DGKI: variants seen among roughly 807,000 people sequenced by gnomAD.
DGKI encodes the protein DAG kinase iota.
In DGKI, 55 loss-of-function variants were observed where a neutral mutation model predicts 147.5. The ratio of observed to expected loss-of-function variants is 0.37; its 90% CI spans 0.30 to 0.47. The LOEUF is 0.47. Ranked by LOEUF, DGKI falls within the 20% of genes least tolerant of loss-of-function variation. The pLI is 1.00. For missense variants in DGKI, 1,007 were observed against 1,323.8 expected, an observed-to-expected ratio of 0.76 and a Z score of 3.71; for synonymous variants, 469 against 477.1, an observed-to-expected ratio of 0.98 and a Z score of 0.22.
At chr7:137,719,243 T>A (rs1479292288) in intron 1 of DGKI, among the ~76,000 whole-genome samples, 1 of 152,150 alleles carries the variant, frequency 6.6e-6, no homozygotes, top group Non-Finnish European at 1.5e-5. Context: ...GAGGGGCATG[T>A]TCTGCTTCAA....
intron 21 of DGKI, among the ~76,000 whole-genome samples, chr7:137,493,611 C>G (rs1254205870): frequency 1.3e-5 from 2 of 152,122 alleles, no homozygotes; most frequent in Non-Finnish European, 2.9e-5. Context: ...CCAAACCCAC[C>G]TTATACCATA....
chr7:137,742,419 G>A (rs762877813), intron 1 of DGKI, among the ~76,000 whole-genome samples: 25 of 152,188 alleles, frequency 1.6e-4, no homozygotes, highest in African/African-American at 5.8e-4. Context: ...GCTCTGGGCA[G>A]AAACAGAGCC....
At chr7:137,630,568 G>T (rs576462093) in intron 6 of DGKI, among the ~76,000 whole-genome samples, 1 of 152,306 alleles carries the variant, frequency 6.6e-6, no homozygotes, top group South Asian at 2.1e-4. Context: ...CTTCATTTCA[G>T]AAGCAGATGC....
At chr7:137,837,582 C>T (rs766665384) in intron 1 of DGKI, among the ~76,000 whole-genome samples, 19 of 152,256 alleles carry the variant, frequency 1.2e-4, no homozygotes, top group African/African-American at 3.1e-4. Flanking sequence ...AAGGGTGGGG[C>T]GCTAATGAAT....
At chr7:137,545,994 AG>A in intron 20 of DGKI, 1 of 700,470 alleles carries the variant, frequency 1.4e-6, no homozygotes, top group East Asian at 2.7e-5. Flanking sequence ...CAGCGAAGAC[AG>A]AGTCAGCGAC....
chr7:137,404,592 G>T (rs1203577616), intron 30 of DGKI, among the ~76,000 whole-genome samples: 1 of 152,130 alleles, frequency 6.6e-6, no homozygotes, highest in African/African-American at 2.4e-5. Flanking sequence ...TGTGCTATTA[G>T]AGATCCTGGT....
chr7:137,691,574 A>G (rs1463754117), intron 1 of DGKI, among the ~76,000 whole-genome samples: 7 of 152,344 alleles, frequency 4.6e-5, no homozygotes, highest in Admixed American at 3.3e-4. Context: ...TAGGAACAGA[A>G]TTTAAAAGCT....
At chr7:137,679,118 A>G (rs1380712213) in intron 2 of DGKI, among the ~76,000 whole-genome samples, 1 of 152,254 alleles carries the variant, frequency 6.6e-6, no homozygotes, top group Non-Finnish European at 1.5e-5. Flanking sequence ...TTGAAAACAC[A>G]GTTATACCAG....
intron 1 of DGKI, among the ~76,000 whole-genome samples, chr7:137,786,677 G>GAA (rs57873912): frequency 7.1e-6 from 1 of 140,814 alleles, no homozygotes; most frequent in African/African-American, 2.7e-5. Context: ...ACTAAGCAAA[G>GAA]AAAAAAAAAA....
intron 12 of DGKI, among the ~76,000 whole-genome samples, chr7:137,590,686 T>C (rs935858849): frequency 1.3e-5 from 2 of 152,076 alleles, no homozygotes; most frequent in Non-Finnish European, 2.9e-5. Flanking sequence ...TATGAATCGA[T>C]GCTGTGTTGT....
At chr7:137,584,953 T>C (rs923015780) in intron 14 of DGKI, among the ~76,000 whole-genome samples, 4 of 152,204 alleles carry the variant, frequency 2.6e-5, no homozygotes, top group Admixed American at 1.3e-4. Context: ...CATGCCTTTC[T>C]AGTGCAGAAG....
At chr7:137,720,459 C>A (rs563263558) in intron 1 of DGKI, among the ~76,000 whole-genome samples, 1 of 151,812 alleles carries the variant, frequency 6.6e-6, no homozygotes, top group Non-Finnish European at 1.5e-5. Flanking sequence ...CGGGTTTCAC[C>A]GTGTTAGCCA....
At chr7:137,444,883 C>T (rs370951778) in intron 27 of DGKI, among the ~76,000 whole-genome samples, 13 of 152,164 alleles carry the variant, frequency 8.5e-5, no homozygotes, top group African/African-American at 3.1e-4. Flanking sequence ...CTTTGACTCA[C>T]ACTTATTCTT....
chr7:137,798,621 T>C (rs1161644226), intron 1 of DGKI, among the ~76,000 whole-genome samples: 2 of 152,238 alleles, frequency 1.3e-5, no homozygotes, highest in East Asian at 1.9e-4. Flanking sequence ...TATTTTATCA[T>C]GTTGCTCAGG....
intron 17 of DGKI, among the ~76,000 whole-genome samples, chr7:137,575,224 T>C (rs943560616): frequency 6.6e-6 from 1 of 152,220 alleles, no homozygotes; most frequent in Non-Finnish European, 1.5e-5. Context: ...TTATAATGAT[T>C]TTTTTCCTCC....
chr7:137,758,950 T>C (rs765988462), intron 1 of DGKI, among the ~76,000 whole-genome samples: 25 of 152,160 alleles, frequency 1.6e-4, no homozygotes, highest in Non-Finnish European at 3.1e-4. Flanking sequence ...GTATGTATAT[T>C]CTTCTTAAAT....
chr7:137,846,867 G>C lies in DGKI; in HGVS notation c.-5C>G, dbSNP rs1468489606. The C allele has an allele frequency of 1.7e-6, 2 of 1,153,550 alleles. No homozygotes were observed. Among genetic ancestry groups the C allele is most frequent in the African/African-American group, 1.6e-5 (1 of 61,890 alleles). The allele number at this position is 1,153,550 out of a possible 1,614,324, so 71.5% of individuals were successfully genotyped here. On this transcript the variant is annotated 5_prime_UTR_variant, in exon 1 of 33. Coordinates refer to ENST00000614521, the MANE Select transcript of DGKI (RefSeq NM_001321708.2). The surrounding 1 kb of genome is among the most constrained non-coding windows in gnomAD (Gnocchi z 4.0). ...GCCCCTTCCCGCAGCATCCATCCGC[G>C]GCTGCACCGCACCGGGGCATTGTGG...
At chr7:137,443,585 T>A (rs550190474) in intron 28 of DGKI, among the ~76,000 whole-genome samples, 1 of 152,320 alleles carries the variant, frequency 6.6e-6, no homozygotes, top group East Asian at 1.9e-4. Context: ...AAACAATTCA[T>A]CTCAACTGGG....
At chr7:137,552,596 A>C (rs1341898657) in intron 19 of DGKI, 28 bp from the exon 20 acceptor site, 1 of 1,611,232 alleles carries the variant, frequency 6.2e-7, no homozygotes, top group East Asian at 2.2e-5. Flanking sequence ...AAAGGGGAGC[A>C]AGGAGTTAGT....
Sources: gnomAD v4.1 joint callset for allele counts (sites outside exome capture counted in the v4.1 genomes callset) on GRCh38, gnomAD v4.1.1 for gene constraint, Gnocchi (gnomAD v3.1) non-coding constraint, MANE v1.5 for transcripts, NCBI Gene and HGNC (gene_info 2026-07-23, HGNC 2026-07-21) for gene names.